PGBD2: variants seen among roughly 807,000 people sequenced by gnomAD.
PGBD2 encodes piggyBac transposable element-derived protein 2.
Under a neutral mutation model 8.1 loss-of-function variants are expected in PGBD2, and 6 were observed. The ratio of observed to expected loss-of-function variants is 0.74; its 90% CI spans 0.40 to 1.46. The LOEUF (loss-of-function observed/expected upper bound fraction) is 1.46. PGBD2 is among the 40% of genes most tolerant of loss of function. The pLI, the probability that PGBD2 is intolerant of heterozygous loss-of-function variation, is 0.02. For synonymous variants in PGBD2, 318 were observed against 272.2 expected (o/e 1.17, Z -1.66); for missense variants, 802 against 739.0 (o/e 1.09, Z -0.99).
upstream of PGBD2, among the ~76,000 whole-genome samples, chr1:248,901,731 C>A (rs6700372): frequency 0.025 from 3,879 of 152,124 alleles, 177 homozygotes; most frequent in African/African-American, 0.089. Flanking sequence ...GAAGTGAAAA[C>A]TGACAAATGG....
the PGBD2 span, among the ~76,000 whole-genome samples, chr1:248,886,966 A>G: frequency 1.4e-4 from 22 of 152,216 alleles, no homozygotes; most frequent in African/African-American, 5.3e-4. Context: ...TTGGCTGCCC[A>G]TTATGATATA....
Position 248,916,618 on chromosome 1 carries a change from A to C in PGBD2, c.34A>C (p.Arg12=). ...TCATAACAGAGATGTCATTGCTGGGAGAGGTATCCACTCAAAGGTGAAGTC... is the reference window on the plus strand; with the variant it reads ...TCATAACAGAGATGTCATTGCTGGGCGAGGTATCCACTCAAAGGTGAAGTC... The part of the protein sequence containing the change: ...ASTSRDVIAG[R]GIHSKVKSAK... The change falls in exon 3 of 3, where the codon AGA becomes CGA. Residue 12 remains arginine (R), a synonymous_variant. Transcript: ENST00000329291. 6.2e-7 allele frequency: 1 copy of C among 1,614,006 alleles called. No homozygotes were observed. Among genetic ancestry groups the C allele is most frequent in the Non-Finnish European group, 8.5e-7 (1 of 1,179,948 alleles).
chr1:248,917,408 A>T lies in PGBD2; in HGVS notation c.824A>T (p.Tyr275Phe), dbSNP rs1197560604. The change falls in exon 3 of 3, where the codon TAC becomes TTC. Residue 275 changes from tyrosine (Y) to phenylalanine (F), a missense_variant. Physicochemically the swap from Tyr to Phe is conservative, Grantham distance 22. Coordinates refer to ENST00000329291, the MANE Select transcript of PGBD2 (RefSeq NM_170725.3). Reference protein sequence around the residue: ...FYSFGESMCEYFGHRGSKQLH... With the variant: ...FYSFGESMCEFFGHRGSKQLH... ...AGCTTTGGCGAGTCTATGTGTGAGT[A>T]CTTTGGGCACCGGGGGTCCAAGCAG... 6.2e-7 allele frequency: 1 copy of T among 1,614,108 alleles called. No individual in the cohort carries two copies. Among genetic ancestry groups the T allele is most frequent in the Non-Finnish European group, 8.5e-7 (1 of 1,180,012 alleles).
chr1:248,883,965 T>G, the PGBD2 span, among the ~76,000 whole-genome samples: 1 of 152,278 alleles, frequency 6.6e-6, no homozygotes, highest in African/African-American at 2.4e-5. Context: ...TTCTTTTAGT[T>G]GCAATTGCTT....
intron 2 of PGBD2, among the ~76,000 whole-genome samples, chr1:248,915,314 A>G (rs1206493969): frequency 1.3e-5 from 2 of 152,248 alleles, no homozygotes; most frequent in Non-Finnish European, 2.9e-5. Context: ...TCAACTTAAG[A>G]TGGTGTAAAA....
chr1:248,900,127 A>C, the PGBD2 span, among the ~76,000 whole-genome samples: 6 of 151,000 alleles, frequency 4.0e-5, no homozygotes, highest in Admixed American at 3.3e-4. Context: ...GCCCAGGATC[A>C]GAAGGATTAT....
At chr1:248,919,759 C>G (rs1572283890), downstream of PGBD2, 2 of 166,784 alleles carry the variant, frequency 1.2e-5, no homozygotes, top group African/African-American at 2.4e-5. Context: ...TTGTTATTGT[C>G]TGTCTTTTGG....
the PGBD2 span, among the ~76,000 whole-genome samples, chr1:248,876,434 T>G: frequency 0.039 from 5,891 of 152,318 alleles, 379 homozygotes; most frequent in African/African-American, 0.13. Flanking sequence ...TTTGGTCCAC[T>G]GTGGTTTCCA....
chr1:248,916,854 T>A lies in PGBD2; in HGVS notation c.270T>A (p.Asn90Lys), dbSNP rs773260258. 1.5e-4 allele frequency: 240 copies of A among 1,613,948 alleles called. 1 individual carries two copies. The South Asian group carries it at 1.5e-3, about 10-fold the overall frequency. ...LCEDSGTGED[N>K]DDLELQPAKK... ...AGGACTCTGGCACCGGGGAGGATAA[T>A]GACGACCTGGAGCTGCAGCCAGCCA... The change falls in exon 3 of 3, where the codon AAT (asparagine) becomes AAA (lysine). Residue 90 changes from asparagine to lysine, a missense_variant. Physicochemically the swap from Asn to Lys is moderately conservative, Grantham distance 94. Coordinates refer to ENST00000329291, the MANE Select transcript of PGBD2 (RefSeq NM_170725.3).
chr1:248,929,941 A>T, the PGBD2 span, among the ~76,000 whole-genome samples: 1 of 152,184 alleles, frequency 6.6e-6, no homozygotes, highest in South Asian at 2.1e-4. Context: ...AGCACCTGGT[A>T]GTGCTCAGAG....
At position 248,917,151 on chromosome 1, in the gene PGBD2, T is replaced by G. The variant is rs34013644; in HGVS notation, c.567T>G (p.Ser189Arg). 1 of 1,614,092 alleles carries G rather than the reference T, an allele frequency of 6.2e-7. No homozygotes were observed. Reference protein sequence around the residue: ...LKCVLGILILSGYISYPRRRM... With the variant: ...LKCVLGILILRGYISYPRRRM... ...GTGTTTTGGGCATTTTGATTTTAAG[T>G]GGGTACATCTCTTATCCAAGGAGAA... The change falls in exon 3 of 3, where the codon AGT becomes AGG. Residue 189 changes from serine (S) to arginine (R), a missense_variant. By Grantham distance (110) the Ser-to-Arg change is moderately radical. Coordinates refer to ENST00000329291, the MANE Select transcript of PGBD2 (RefSeq NM_170725.3).
the PGBD2 span, among the ~76,000 whole-genome samples, chr1:248,925,612 A>G: frequency 1.1e-4 from 16 of 151,184 alleles, no homozygotes; most frequent in Admixed American, 6.6e-4. Flanking sequence ...ATTATTGTAA[A>G]TAAGTTCACA....
At chr1:248,911,043 C>A (rs148737956) in intron 1 of PGBD2, among the ~76,000 whole-genome samples, 11 of 152,200 alleles carry the variant, frequency 7.2e-5, no homozygotes, top group East Asian at 3.9e-4. Context: ...TATTTGCCCC[C>A]CCATCTCGAG....
upstream of PGBD2, among the ~76,000 whole-genome samples, chr1:248,901,614 G>T (rs1207925888): frequency 6.6e-6 from 1 of 152,144 alleles, no homozygotes; most frequent in African/African-American, 2.4e-5. Flanking sequence ...AGGCTTAAAT[G>T]TAAAATCCAA....
In PGBD2 at chr1:248,917,014, C is replaced by G. The variant is rs747227377; in HGVS notation, c.430C>G (p.Leu144Val). Residue 144 changes from leucine (L) to valine (V), a missense_variant, in exon 3 of 3, where the codon CTT becomes GTT. Physicochemically the swap from Leu to Val is conservative, Grantham distance 32. Coordinates refer to ENST00000329291, the MANE Select transcript of PGBD2 (RefSeq NM_170725.3). ...LKSQELSPVG[L>V]FELFFDEGTI... ...AAGCCAAGAGCTGAGTCCCGTGGGC[C>G]TTTTTGAGTTGTTTTTTGATGAAGG... 2 of 1,613,550 alleles carry G rather than the reference C, an allele frequency of 1.2e-6. No individual in the cohort carries two copies. Among genetic ancestry groups the G allele is most frequent in the Admixed American group, 1.7e-5 (1 of 59,880 alleles).
the PGBD2 span, among the ~76,000 whole-genome samples, chr1:248,876,636 C>T: frequency 6.6e-6 from 1 of 152,054 alleles, no homozygotes; most frequent in Non-Finnish European, 1.5e-5. Context: ...TTCCATGACC[C>T]ACTGGATGGT....
intron 1 of PGBD2, among the ~76,000 whole-genome samples, chr1:248,907,178 A>G (rs1359826175): frequency 6.6e-6 from 1 of 152,230 alleles, no homozygotes; most frequent in Non-Finnish European, 1.5e-5. Flanking sequence ...ACATGTGAGC[A>G]AAAGAATTTA....
At chr1:248,895,929 G>A in the PGBD2 span, among the ~76,000 whole-genome samples, 13 of 151,666 alleles carry the variant, frequency 8.6e-5, no homozygotes, top group Non-Finnish European at 1.3e-4. Flanking sequence ...CTTGTGATCC[G>A]CTCACCTCGG....
intron 1 of PGBD2, among the ~76,000 whole-genome samples, chr1:248,911,227 C>T (rs1342672717): frequency 6.6e-6 from 1 of 151,372 alleles, no homozygotes; most frequent in East Asian, 1.9e-4. Flanking sequence ...AACATGTGAA[C>T]AAGGGTCTCT....
Sources: gnomAD v4.1 joint callset for allele counts (sites outside exome capture counted in the v4.1 genomes callset) on GRCh38, gnomAD v4.1.1 for gene constraint, MANE v1.5 for transcripts, NCBI Gene and HGNC (gene_info 2026-07-23, HGNC 2026-07-21) for gene names.